Variants in CYP2C18 observed in about 807,000 individuals in gnomAD.
CYP2C18 encodes cytochrome P450 2C18.
Under a neutral mutation model 41.3 loss-of-function variants are expected in CYP2C18, and 38 were observed. The ratio of observed to expected loss-of-function variants is 0.92; its 90% CI spans 0.71 to 1.21. The LOEUF is 1.21. Among genes scored for constraint, CYP2C18 ranks in the 50% most tolerant of loss-of-function variants. The pLI is 0.00. For synonymous variants in CYP2C18, 236 were observed against 210.0 expected (o/e 1.12, Z -1.07); for missense variants, 635 against 591.4 (o/e 1.07, Z -0.77).
At chr10:94,701,569 G>A (rs2134186941) in intron 4 of CYP2C18, among the ~76,000 whole-genome samples, 1 of 152,258 alleles carries the variant, frequency 6.6e-6, no homozygotes, top group South Asian at 2.1e-4. Flanking sequence ...GTATACATAT[G>A]TAACAAACCT....
intron 5 of CYP2C18, among the ~76,000 whole-genome samples, chr10:94,717,408 C>T (rs1029968078): frequency 2.0e-5 from 3 of 152,112 alleles, no homozygotes. Context: ...GTTTGCTTGT[C>T]TGTAAAGGAT....
At chr10:94,719,761 G>T (rs963887107) in intron 5 of CYP2C18, among the ~76,000 whole-genome samples, 1 of 152,020 alleles carries the variant, frequency 6.6e-6, no homozygotes, top group Non-Finnish European at 1.5e-5. Context: ...TTTTAGTAGA[G>T]ATGAGATTTC....
intron 1 of CYP2C18, among the ~76,000 whole-genome samples, chr10:94,684,885 C>A (rs1182696852): frequency 6.6e-6 from 1 of 152,030 alleles, no homozygotes; most frequent in Non-Finnish European, 1.5e-5. Context: ...AATATCTTAT[C>A]TATGAGTTGT....
chr10:94,703,967 C>T (rs979236061), intron 4 of CYP2C18, among the ~76,000 whole-genome samples: 3 of 152,154 alleles, frequency 2.0e-5, no homozygotes, highest in Non-Finnish European at 4.4e-5. Context: ...CTCATGGCTT[C>T]CCTTGGCTAG....
intron 3 of CYP2C18, among the ~76,000 whole-genome samples, chr10:94,689,561 C>G (rs2134175428): frequency 6.6e-6 from 1 of 152,210 alleles, no homozygotes; most frequent in Non-Finnish European, 1.5e-5. Flanking sequence ...AGTTGTCCCT[C>G]CTTATCAGTA....
intron 8 of CYP2C18, 82 bp downstream of exon 8, chr10:94,733,520 C>T: frequency 6.3e-7 from 1 of 1,577,034 alleles, no homozygotes; most frequent in Non-Finnish European, 8.6e-7. Flanking sequence ...GATGCCACCT[C>T]TGAGGTTTGG....
At chr10:94,724,644 T>A in intron 7 of CYP2C18, 111 bp downstream of exon 7, 1 of 1,069,958 alleles carries the variant, frequency 9.3e-7, no homozygotes, top group Admixed American at 2.0e-5. Flanking sequence ...AATTCATACG[T>A]GGGGCAGCTT....
At chr10:94,733,679 T>A in intron 8 of CYP2C18, 1 of 814,200 alleles carries the variant, frequency 1.2e-6, no homozygotes, top group Non-Finnish European at 1.5e-6. Flanking sequence ...TAGGTTAATT[T>A]AATTCTGCCT....
At position 94,723,012 on chromosome 10, in the gene CYP2C18, A is replaced by G. The variant is rs529069140; in HGVS notation, c.962-1334A>G. Among the ~76,000 whole-genome samples, 23 of 152,298 alleles carry G rather than the reference A, an allele frequency of 1.5e-4. No individual in the cohort carries two copies. The South Asian group carries it at 3.3e-3, about 22-fold the overall frequency. On this transcript the variant is annotated intron_variant, in intron 6 of 8. Coordinates refer to ENST00000285979, the MANE Select transcript of CYP2C18 (RefSeq NM_000772.3). ...AAGACACCAGACCATGGGGAATTTT[A>G]GAACATCAGAGTTAAAGGGAAAGTC...
At chr10:94,712,005 C>A (rs1847443756) in intron 5 of CYP2C18, among the ~76,000 whole-genome samples, 2 of 98,964 alleles carry the variant, frequency 2.0e-5, no homozygotes, top group South Asian at 4.4e-4. Flanking sequence ...CCATGCCCAA[C>A]TAATTTTTTT....
intron 5 of CYP2C18, among the ~76,000 whole-genome samples, chr10:94,717,301 T>C: frequency 6.6e-6 from 1 of 152,200 alleles, no homozygotes; most frequent in East Asian, 1.9e-4. Flanking sequence ...ATTTAGCATG[T>C]TTTTGCAGTG....
chr10:94,692,971 C>A (rs1444932843), intron 3 of CYP2C18, among the ~76,000 whole-genome samples: 5 of 151,164 alleles, frequency 3.3e-5, no homozygotes, highest in Admixed American at 1.3e-4. Context: ...AATGAGAACA[C>A]ATGGACACAG....
intron 4 of CYP2C18, among the ~76,000 whole-genome samples, 176 bp from the exon 5 acceptor site, chr10:94,706,608 T>C (rs1354878381): frequency 6.6e-6 from 1 of 152,190 alleles, no homozygotes; most frequent in Non-Finnish European, 1.5e-5. Flanking sequence ...TTCAGAATTT[T>C]CTAACTTAAA....
intron 4 of CYP2C18, among the ~76,000 whole-genome samples, chr10:94,699,530 G>A (rs776107688): frequency 3.3e-5 from 5 of 152,126 alleles, no homozygotes; most frequent in Non-Finnish European, 7.4e-5. Flanking sequence ...CATACCGAAT[G>A]GGCACAAACT....
chr10:94,710,223 G>C (rs1170599989), intron 5 of CYP2C18, among the ~76,000 whole-genome samples: 1 of 152,208 alleles, frequency 6.6e-6, no homozygotes, highest in Non-Finnish European at 1.5e-5. Flanking sequence ...CACCCACCCT[G>C]GCCTCCCAGA....
intron 1 of CYP2C18, among the ~76,000 whole-genome samples, chr10:94,685,931 G>A (rs1236871235): frequency 1.3e-5 from 2 of 152,062 alleles, no homozygotes; most frequent in Non-Finnish European, 2.9e-5. Context: ...TGTGAAGAAT[G>A]AGATTAAAAT....
At chr10:94,707,975 G>T (rs1177294865) in intron 5 of CYP2C18, among the ~76,000 whole-genome samples, 1 of 152,156 alleles carries the variant, frequency 6.6e-6, no homozygotes, top group Non-Finnish European at 1.5e-5. Context: ...AAGGTGCAAA[G>T]TACTCTTTGA....
intron 4 of CYP2C18, among the ~76,000 whole-genome samples, chr10:94,699,990 A>G (rs1255915796): frequency 6.6e-6 from 1 of 152,234 alleles, no homozygotes; most frequent in Non-Finnish European, 1.5e-5. Flanking sequence ...ACACAAACAA[A>G]TGGAGGAACA....
chr10:94,725,353 A>G (rs1318336494), intron 7 of CYP2C18, among the ~76,000 whole-genome samples: 1 of 152,038 alleles, frequency 6.6e-6, no homozygotes, highest in East Asian at 1.9e-4. Flanking sequence ...TTTACTTGGC[A>G]TTGCTAATTT....
Sources: gnomAD v4.1 joint callset for allele counts (sites outside exome capture counted in the v4.1 genomes callset) on GRCh38, gnomAD v4.1.1 for gene constraint, MANE v1.5 for transcripts, NCBI Gene and HGNC (gene_info 2026-07-23, HGNC 2026-07-21) for gene names.